The following SPEF2 variants were observed in gnomAD, a reference collection of about 807,000 sequenced individuals.
SPEF2 encodes the protein sperm flagella and cilia-associated protein 2.
SPEF2 carries 187 observed loss-of-function variants against 224.6 expected under a neutral mutation model. The observed-to-expected ratio is 0.83, with a 90% confidence interval of 0.74 to 0.94. The LOEUF is 0.94. SPEF2 is among the 40% of genes least tolerant of loss of function. The probability of loss-of-function intolerance (pLI) is 0.00; values close to 1 mark genes in which losing one functional copy is unlikely to be tolerated. For missense variants in SPEF2, 2,170 were observed against 2,135.6 expected (o/e 1.02, Z -0.32); for synonymous variants, 715 against 707.3 (o/e 1.01, Z -0.17).
intron 23 of SPEF2, among the ~76,000 whole-genome samples, chr5:35,751,056 CGT>C (rs548282088): frequency 1.3e-3 from 37 of 28,476 alleles, no homozygotes; most frequent in African/African-American, 2.1e-3. Flanking sequence ...TATATATATA[CGT>C]ATATATATGT....
At chr5:35,630,983 A>C (rs1028456009) in intron 2 of SPEF2, among the ~76,000 whole-genome samples, 2 of 152,176 alleles carry the variant, frequency 1.3e-5, no homozygotes, top group Non-Finnish European at 2.9e-5. Context: ...CATAACTAAT[A>C]AGGAGATGAA....
At chr5:35,759,947 G>A (rs996176280) in intron 25 of SPEF2, among the ~76,000 whole-genome samples, 3 of 152,050 alleles carry the variant, frequency 2.0e-5, no homozygotes, top group Admixed American at 2.0e-4. Flanking sequence ...TTGCTGCAGA[G>A]ATAAAATGTG....
chr5:35,703,698 A>G (rs778175328), intron 16 of SPEF2, among the ~76,000 whole-genome samples: 1 of 152,164 alleles, frequency 6.6e-6, no homozygotes, highest in Non-Finnish European at 1.5e-5. Flanking sequence ...GCATCTCCCA[A>G]TAAGAGCACT....
chr5:35,787,585 C>A (rs1024170446), intron 30 of SPEF2, among the ~76,000 whole-genome samples: 4 of 152,166 alleles, frequency 2.6e-5, no homozygotes, highest in Non-Finnish European at 5.9e-5. Flanking sequence ...GGCACTGCAA[C>A]ATTGGACAGT....
chr5:35,720,114 A>G (rs1391057748), intron 20 of SPEF2, among the ~76,000 whole-genome samples: 1 of 152,230 alleles, frequency 6.6e-6, no homozygotes, highest in East Asian at 1.9e-4. Context: ...ATGGATTTTT[A>G]TTGCACTAAT....
chr5:35,689,460 G>T (rs1456625168), intron 10 of SPEF2, among the ~76,000 whole-genome samples: 1 of 152,134 alleles, frequency 6.6e-6, no homozygotes, highest in East Asian at 1.9e-4. Context: ...TCCCCAGCTA[G>T]TGAGCAAAGT....
At position 35,745,225 on chromosome 5, in the gene SPEF2, G is replaced by A. The variant is rs536330078; in HGVS notation, c.3330+4958G>A. 3.3e-5 allele frequency among the ~76,000 whole-genome samples: 5 copies of A among 152,316 alleles called. No individual in the cohort carries two copies. The South Asian group carries it at 8.3e-4, about 25-fold the overall frequency. On this transcript the variant is annotated intron_variant, in intron 23 of 36. Coordinates refer to ENST00000356031, the MANE Select transcript of SPEF2 (RefSeq NM_024867.4). ...GCTGGGCATCACAGGGTTCCATTGG[G>A]AGGGTGGCCAGAGGAGCAGGGGGTA... is the stretch of plus-strand genomic sequence containing the variant.
intron 10 of SPEF2, among the ~76,000 whole-genome samples, chr5:35,679,253 A>G (rs1752443781): frequency 6.6e-6 from 1 of 152,214 alleles, no homozygotes; most frequent in Non-Finnish European, 1.5e-5. Flanking sequence ...CAGGAGATAC[A>G]GTGCCAGGGG....
intron 34 of SPEF2, among the ~76,000 whole-genome samples, chr5:35,802,270 A>G (rs1353618301): frequency 6.6e-6 from 1 of 152,142 alleles, no homozygotes; most frequent in Non-Finnish European, 1.5e-5. Context: ...TCTTTCACGA[A>G]GCATCCCCTG....
chr5:35,788,519 C>T (rs1486986847), intron 30 of SPEF2: 3 of 702,482 alleles, frequency 4.3e-6, no homozygotes, highest in African/African-American at 3.5e-5. Context: ...GCAGTTTGCA[C>T]ATGCAGGAAA....
chr5:35,672,472 G>T (rs10036432), intron 10 of SPEF2, among the ~76,000 whole-genome samples: 16,734 of 150,862 alleles, frequency 0.11, 1,659 homozygotes, highest in African/African-American at 0.26. Flanking sequence ...AAGCCAGGAT[G>T]CATTGTTCCG....
At position 35,691,245 on chromosome 5, in the gene SPEF2, C is replaced by T. The variant is rs1754429352; in HGVS notation, c.1733C>T (p.Ser578Phe). 6.2e-7 allele frequency: 1 copy of T among 1,613,240 alleles called. No individual in the cohort carries two copies. Among genetic ancestry groups the T allele is most frequent in the African/African-American group, 1.3e-5 (1 of 75,004 alleles). The change falls in exon 11 of 37, where the codon TCT (serine) becomes TTT (phenylalanine). Residue 578 changes from serine to phenylalanine, a missense_variant. Transcript: ENST00000356031. Reference sequence around the variant, plus strand: ...AGTGGAAAAACTACCATTTTAAGGTCTCTACAAAAAGGTAGAATTTCTTCT... The same window carrying T: ...AGTGGAAAAACTACCATTTTAAGGTTTCTACAAAAAGGTAGAATTTCTTCT... ...TLSGKTTILR[S>F]LQKDFPIQIL...
Position 35,779,463 on chromosome 5 carries a change from C to T in SPEF2, c.4447+117C>T, listed in dbSNP as rs1233770616. ...TGGGATCATGTGGCACTAAAACATG[C>T]CCTTGCTTTGTTCTAGTTTATTAAA... On this transcript the variant is annotated intron_variant, in intron 30 of 36. Coordinates refer to ENST00000356031, the MANE Select transcript of SPEF2 (RefSeq NM_024867.4). 3 of 718,352 alleles carry T rather than the reference C, an allele frequency of 4.2e-6. No homozygotes were observed. The African/African-American group carries it at 5.4e-5, about 13-fold the overall frequency. 44.5% of individuals were successfully genotyped at this position (718,352 alleles called of 1,614,324 possible). A position where few individuals can be genotyped will look rare whatever the true frequency, so the allele number is the denominator to read the frequency against.
chr5:35,710,029 A>C (rs1740784210), intron 19 of SPEF2: 19 of 979,266 alleles, frequency 1.9e-5, no homozygotes, highest in Non-Finnish European at 1.9e-5. Context: ...AAACAAAGAC[A>C]TATGAAGACT....
At chr5:35,788,958 G>A (rs1561366976) in intron 30 of SPEF2, 1 of 702,930 alleles carries the variant, frequency 1.4e-6, no homozygotes, top group Non-Finnish European at 2.6e-6. Context: ...GACAGGAAGT[G>A]GCTTCATGGA....
chr5:35,710,608 A>C, intron 19 of SPEF2: 1 of 985,188 alleles, frequency 1.0e-6, no homozygotes, highest in Non-Finnish European at 1.2e-6. Context: ...ACAGTGGGTC[A>C]GGTGAGCCTA....
chr5:35,618,740 T>G (rs1168210739), intron 1 of SPEF2, among the ~76,000 whole-genome samples: 1 of 152,176 alleles, frequency 6.6e-6, no homozygotes, highest in African/African-American at 2.4e-5. Flanking sequence ...CAACCTAATT[T>G]TATCCTAACC....
At chr5:35,633,431 C>T (rs536498435) in intron 2 of SPEF2, among the ~76,000 whole-genome samples, 2 of 151,902 alleles carry the variant, frequency 1.3e-5, no homozygotes, top group East Asian at 3.9e-4. Context: ...GTCAATTTTG[C>T]CTGATACTAT....
intron 30 of SPEF2, chr5:35,788,615 A>C: frequency 1.4e-6 from 1 of 702,994 alleles, no homozygotes; most frequent in Non-Finnish European, 2.6e-6. Context: ...AACTCTAGAG[A>C]TAAATCTTCA....
Sources: gnomAD v4.1 joint callset for allele counts (sites outside exome capture counted in the v4.1 genomes callset) on GRCh38, gnomAD v4.1.1 for gene constraint, MANE v1.5 for transcripts, NCBI Gene and HGNC (gene_info 2026-07-23, HGNC 2026-07-21) for gene names.